OSBPL9: variants seen among roughly 807,000 people sequenced by gnomAD.
OSBPL9 encodes oxysterol-binding protein-related protein 9.
Under a neutral mutation model 106.6 loss-of-function variants are expected in OSBPL9, and 40 were observed. That is an observed-to-expected ratio of 0.38 (90% CI 0.29 to 0.49). OSBPL9 has a LOEUF of 0.49. Ranked by LOEUF, OSBPL9 falls within the 20% of genes least tolerant of loss-of-function variation. OSBPL9 has a pLI of 0.97. For synonymous variants in OSBPL9, 269 were observed against 295.4 expected (o/e 0.91, Z 0.92); for missense variants, 609 against 887.2 (o/e 0.69, Z 3.98).
At chr1:51,541,039 G>A in the OSBPL9 span, among the ~76,000 whole-genome samples, 1 of 151,984 alleles carries the variant, frequency 6.6e-6, no homozygotes, top group Non-Finnish European at 1.5e-5. Flanking sequence ...GCTGAGGCAG[G>A]AGAATCGCTT....
At chr1:51,781,578 G>T in intron 16 of OSBPL9, 1 of 349,942 alleles carries the variant, frequency 2.9e-6, no homozygotes. Context: ...ATAATTTTAT[G>T]GCTTTTCAGG....
chr1:51,707,847 T>C, intron 3 of OSBPL9: 1 of 192,964 alleles, frequency 5.2e-6, no homozygotes, highest in Non-Finnish European at 1.1e-5. Flanking sequence ...AGTGAAGTTG[T>C]TGATGGACCC....
chr1:51,602,015 G>GTTTTTTTTTTTTT (rs1266396456), intron 2 of OSBPL9, among the ~76,000 whole-genome samples: 6 of 16,310 alleles, frequency 3.7e-4, no homozygotes, highest in Admixed American at 7.5e-4. Context: ...CATTCTTGGG[G>GTTTTTTTTTTTTT]TTCTTTTTTT....
chr1:51,679,421 A>G (rs1278918428), intron 3 of OSBPL9, among the ~76,000 whole-genome samples: 1 of 152,222 alleles, frequency 6.6e-6, no homozygotes, highest in Admixed American at 6.5e-5. Context: ...AGATGATACT[A>G]ATAATCATTC....
intron 4 of OSBPL9, among the ~76,000 whole-genome samples, chr1:51,719,506 A>C (rs1367283005): frequency 6.6e-6 from 1 of 152,030 alleles, no homozygotes; most frequent in East Asian, 1.9e-4. Flanking sequence ...ATTATCAAGT[A>C]AGGGATTGAT....
At chr1:51,650,802 A>C (rs1646469148) in intron 1 of OSBPL9, among the ~76,000 whole-genome samples, 1 of 152,204 alleles carries the variant, frequency 6.6e-6, no homozygotes, top group Admixed American at 6.5e-5. Context: ...TTGAGATGTT[A>C]CTTTGTTGTA....
intron 2 of OSBPL9, among the ~76,000 whole-genome samples, chr1:51,652,478 C>T (rs1646578667): frequency 6.6e-6 from 1 of 151,756 alleles, no homozygotes; most frequent in Admixed American, 6.6e-5. Flanking sequence ...CAATGTTAGC[C>T]ACATCTATAA....
At chr1:51,665,798 A>G (rs778552656) in intron 2 of OSBPL9, among the ~76,000 whole-genome samples, 7 of 152,174 alleles carry the variant, frequency 4.6e-5, no homozygotes, top group Non-Finnish European at 1.0e-4. Context: ...TAGACTATCT[A>G]AAGTACGCAG....
At chr1:51,606,271 G>A (rs1643948180) in intron 2 of OSBPL9, among the ~76,000 whole-genome samples, 1 of 151,928 alleles carries the variant, frequency 6.6e-6, no homozygotes, top group Non-Finnish European at 1.5e-5. Context: ...CTTGGCATGT[G>A]TTGCCGTGTG....
At chr1:51,559,440 T>TACACACACACACAC in the OSBPL9 span, among the ~76,000 whole-genome samples, 10 of 147,534 alleles carry the variant, frequency 6.8e-5, no homozygotes, top group African/African-American at 2.5e-4. Flanking sequence ...CACACATACA[T>TACACACACACACAC]ACACACACAC....
At chr1:51,786,477 G>A in intron 21 of OSBPL9, 49 bp from the exon 22 acceptor site, 1 of 1,268,590 alleles carries the variant, frequency 7.9e-7, no homozygotes. Flanking sequence ...TCTAACATTA[G>A]GTTAGGGGTT....
intron 1 of OSBPL9, among the ~76,000 whole-genome samples, chr1:51,587,880 T>C (rs897349637): frequency 1.3e-5 from 2 of 152,228 alleles, no homozygotes; most frequent in Non-Finnish European, 2.9e-5. Context: ...ACCACTCCAC[T>C]GAGTTGTCAA....
At chr1:51,608,086 C>T (rs1280705755) in intron 2 of OSBPL9, among the ~76,000 whole-genome samples, 2 of 152,118 alleles carry the variant, frequency 1.3e-5, no homozygotes, top group Non-Finnish European at 2.9e-5. Context: ...TCATTTAAGG[C>T]GTTTTTCCCT....
chr1:51,556,803 G>GTA, the OSBPL9 span, among the ~76,000 whole-genome samples: 2 of 127,378 alleles, frequency 1.6e-5, no homozygotes, highest in East Asian at 2.0e-4. Flanking sequence ...CAAAAAAAAA[G>GTA]TATATATATA....
intron 3 of OSBPL9, among the ~76,000 whole-genome samples, chr1:51,689,943 C>CT (rs1446716668): frequency 2.0e-5 from 3 of 152,110 alleles, no homozygotes; most frequent in Non-Finnish European, 4.4e-5. Context: ...TTTAAGCTTC[C>CT]TGTTCTCCCT....
chr1:51,573,352 T>C (rs1168976356), upstream of OSBPL9, among the ~76,000 whole-genome samples: 6 of 146,728 alleles, frequency 4.1e-5, no homozygotes, highest in African/African-American at 7.6e-5. Context: ...CTACTAAAAA[T>C]ACAAAATTAG....
chr1:51,544,776 A>G, the OSBPL9 span, among the ~76,000 whole-genome samples: 1 of 152,006 alleles, frequency 6.6e-6, no homozygotes, highest in South Asian at 2.1e-4. Flanking sequence ...TAAAAAAGTG[A>G]ATCTCACCAA....
intron 3 of OSBPL9, among the ~76,000 whole-genome samples, chr1:51,705,416 T>A (rs1288303379): frequency 1.8e-4 from 21 of 116,166 alleles, no homozygotes; most frequent in African/African-American, 6.3e-4. Flanking sequence ...TTTTTTTTTT[T>A]TTTTTTTTTT....
intron 2 of OSBPL9, among the ~76,000 whole-genome samples, chr1:51,608,967 T>C (rs904052237): frequency 7.2e-5 from 11 of 152,154 alleles, no homozygotes; most frequent in Non-Finnish European, 1.3e-4. Flanking sequence ...CCTTTTTTTT[T>C]CACTTCACAG....
Sources: gnomAD v4.1 joint callset for allele counts (sites outside exome capture counted in the v4.1 genomes callset) on GRCh38, gnomAD v4.1.1 for gene constraint, MANE v1.5 for transcripts, NCBI Gene and HGNC (gene_info 2026-07-23, HGNC 2026-07-21) for gene names.